Variants in RAB22A observed in about 807,000 individuals in gnomAD.
RAB22A encodes the protein ras-related protein Rab-22A.
A neutral mutation model predicts 30.2 loss-of-function variants in RAB22A; 13 were observed. That is an observed-to-expected ratio of 0.43 (90% confidence interval 0.28 to 0.68). RAB22A has a LOEUF of 0.68. Among genes scored for constraint, RAB22A ranks in the 30% least tolerant of loss-of-function variants. RAB22A has a pLI of 0.18. For synonymous variants in RAB22A, 89 were observed against 87.2 expected, an observed-to-expected ratio of 1.02 and a Z score of -0.11; for missense variants, 177 against 246.8, an observed-to-expected ratio of 0.72 and a Z score of 1.89.
chr20:58,351,397 T>C (rs1488761238), intron 3 of RAB22A, among the ~76,000 whole-genome samples: 1 of 150,698 alleles, frequency 6.6e-6, no homozygotes. Flanking sequence ...ACTTAAAAAA[T>C]AATACAAGCA....
At chr20:58,329,581 G>A (rs2122941933) in intron 2 of RAB22A, among the ~76,000 whole-genome samples, 1 of 152,232 alleles carries the variant, frequency 6.6e-6, no homozygotes, top group Non-Finnish European at 1.5e-5. Context: ...TATGCTAAAT[G>A]TGTAATATAC....
chr20:58,363,549 A>G lies in RAB22A; in HGVS notation c.*3846A>G, dbSNP rs1987265110. ...CCTCTCTAACCTCACTGGGCTATAA[A>G]TGTTCCTTCTAACTCTGTAATGAAA... On this transcript the variant is annotated 3_prime_UTR_variant, in exon 7 of 7. Transcript: ENST00000244040. 1 of 152,200 alleles carries G rather than the reference A, an allele frequency of 6.6e-6. No homozygotes were observed. The highest frequency in any genetic ancestry group is 2.4e-5 in the African/African-American group (1 of 41,450). 9.4% of individuals were successfully genotyped at this position (152,200 alleles called of 1,614,324 possible).
rs536837971 is a variant in RAB22A at position 58,350,176 on chromosome 20, A to C, written c.199-3097A>C. Among the ~76,000 whole-genome samples, 4 of 152,366 alleles carry C rather than the reference A, an allele frequency of 2.6e-5. No homozygotes were observed. The South Asian group carries it at 8.3e-4, about 32-fold the overall frequency. ...ATAGAATGGAAACTAATAAAGAATCACATGAAAATGCTAAAACTGAAAGCT... is the reference window on the plus strand; with the variant it reads ...ATAGAATGGAAACTAATAAAGAATCCCATGAAAATGCTAAAACTGAAAGCT... On this transcript the variant is annotated intron_variant, in intron 3 of 6. Coordinates refer to ENST00000244040, the MANE Select transcript of RAB22A (RefSeq NM_020673.3).
At chr20:58,358,388 G>A (rs1387562542) in intron 6 of RAB22A, among the ~76,000 whole-genome samples, 1 of 152,190 alleles carries the variant, frequency 6.6e-6, no homozygotes, top group Non-Finnish European at 1.5e-5. Flanking sequence ...TACAATGTAT[G>A]TGTCAGACAA....
intron 6 of RAB22A, among the ~76,000 whole-genome samples, chr20:58,357,232 A>G (rs898189499): frequency 9.2e-5 from 14 of 152,182 alleles, no homozygotes; most frequent in East Asian, 5.8e-4. Flanking sequence ...ACATTTCCGA[A>G]TATATGTTTA....
intron 2 of RAB22A, among the ~76,000 whole-genome samples, chr20:58,324,438 G>C (rs982323094): frequency 9.9e-5 from 15 of 152,042 alleles, no homozygotes; most frequent in African/African-American, 3.4e-4. Flanking sequence ...TCTATGATAT[G>C]TCTCTTCCCT....
intron 2 of RAB22A, among the ~76,000 whole-genome samples, chr20:58,331,475 T>G (rs76359494): frequency 0.015 from 2,321 of 152,326 alleles, 26 homozygotes; most frequent in Non-Finnish European, 0.02. Context: ...TTATTGAAGA[T>G]TTTCATAATT....
Position 58,359,691 on chromosome 20 carries a change from G to GAGC in RAB22A, c.574_576dup (p.Ser192dup). ...GAAGACAGCCTTCAGAGCCAAAGCG[G>GAGC]AGCTGCTGCTGACCGAACCTCAGCC... is the stretch of plus-strand genomic sequence containing the variant. On this transcript the variant is annotated inframe_insertion, in exon 7 of 7. Transcript: ENST00000244040. The GAGC allele has an allele frequency of 6.2e-7, 1 of 1,610,236 alleles. No individual in the cohort carries two copies.
chr20:58,353,951 A>G (rs1160075036), intron 5 of RAB22A, among the ~76,000 whole-genome samples: 1 of 152,194 alleles, frequency 6.6e-6, no homozygotes, highest in African/African-American at 2.4e-5. Flanking sequence ...TCCATTAGCT[A>G]CATTACTAGT....
intron 2 of RAB22A, among the ~76,000 whole-genome samples, chr20:58,322,787 TA>T (rs1384541272): frequency 3.3e-5 from 5 of 152,128 alleles, no homozygotes; most frequent in African/African-American, 4.8e-5. Flanking sequence ...ACAACACACT[TA>T]TTTTTTTTGC....
chr20:58,318,274 G>A (rs988408972), intron 2 of RAB22A, among the ~76,000 whole-genome samples: 3 of 152,212 alleles, frequency 2.0e-5, no homozygotes, highest in African/African-American at 7.2e-5. Flanking sequence ...GCTAAGTGTT[G>A]TATAACAGTG....
chr20:58,353,453 A>G lies in RAB22A; in HGVS notation c.292A>G (p.Asn98Asp). ...TKEETFSTLKNWVKELRQHGP... is the reference protein window; with the variant it reads ...TKEETFSTLKDWVKELRQHGP... ...ACAGGAGACATTTTCAACATTAAAG[A>G]ATTGGGTGAAAGAGCTTCGACAGCA... Residue 98 changes from asparagine (N) to aspartate (D), a missense_variant, in exon 5 of 7, where the codon AAT becomes GAT. Transcript: ENST00000244040. 1 of 1,613,490 alleles carries G rather than the reference A, an allele frequency of 6.2e-7. No homozygotes were observed.
chr20:58,315,205 C>G (rs955211630), intron 2 of RAB22A, among the ~76,000 whole-genome samples: 4 of 152,164 alleles, frequency 2.6e-5, no homozygotes, highest in Non-Finnish European at 5.9e-5. Context: ...ACTGCAGTCT[C>G]CTGGCCTCTC....
rs762433617 is a variant in RAB22A, at chr20:58,354,255, T to C, written c.477T>C (p.Phe159=). The C allele has an allele frequency of 9.3e-6, 15 of 1,608,774 alleles. No individual in the cohort carries two copies. In the East Asian group the frequency reaches 2.2e-4, roughly 24 times the overall value. The change falls in exon 6 of 7, where the codon TTT becomes TTC. Residue 159 remains phenylalanine (F), a synonymous_variant. Coordinates refer to ENST00000244040, the MANE Select transcript of RAB22A (RefSeq NM_020673.3). ...AKNAININEL[F]IEISRRIPST... ...ACGCGATAAACATAAATGAACTCTT[T>C]ATAGAAATTAGTGAGTATCTCTGTG... is the stretch of plus-strand genomic sequence containing the variant.
At chr20:58,344,630 G>T (rs749508257) in intron 3 of RAB22A, among the ~76,000 whole-genome samples, 2 of 152,216 alleles carry the variant, frequency 1.3e-5, no homozygotes, top group Non-Finnish European at 2.9e-5. Flanking sequence ...CAGCACATCT[G>T]ATAGATGCAT....
At chr20:58,311,424 AG>A (rs751581554) in intron 2 of RAB22A, among the ~76,000 whole-genome samples, 1 of 152,372 alleles carries the variant, frequency 6.6e-6, no homozygotes, top group East Asian at 1.9e-4. Flanking sequence ...CCTTGAAATA[AG>A]GCAGATGAAA....
chr20:58,323,150 GT>G lies in RAB22A; in HGVS notation c.116+12036del, dbSNP rs1277147433. 3.3e-5 allele frequency among the ~76,000 whole-genome samples: 5 copies of G among 151,726 alleles called. No individual in the cohort carries two copies. The East Asian group carries it at 9.7e-4, about 29-fold the overall frequency. On this transcript the variant is annotated intron_variant, in intron 2 of 6. Transcript: ENST00000244040. ...TTAGGATTCTTGAGTTTCTCTCAGT[GT>G]TTTTTTTCTACTTCTCTGTGTTATG...
At chr20:58,347,625 T>C (rs760893446) in intron 3 of RAB22A, among the ~76,000 whole-genome samples, 7 of 152,206 alleles carry the variant, frequency 4.6e-5, no homozygotes, top group Non-Finnish European at 7.3e-5. Flanking sequence ...ATCCAGAAAA[T>C]TAGCTCCTGG....
intron 2 of RAB22A, among the ~76,000 whole-genome samples, chr20:58,329,022 G>A (rs1240124287): frequency 6.7e-6 from 1 of 149,462 alleles, no homozygotes; most frequent in South Asian, 2.1e-4. Flanking sequence ...CTCGGTATTT[G>A]TTTACCTAGG....
Sources: gnomAD v4.1 joint callset for allele counts (sites outside exome capture counted in the v4.1 genomes callset) on GRCh38, gnomAD v4.1.1 for gene constraint, MANE v1.5 for transcripts, NCBI Gene and HGNC (gene_info 2026-07-23, HGNC 2026-07-21) for gene names.